LINGO2: variants seen among roughly 807,000 people sequenced by gnomAD.
LINGO2 encodes leucine-rich repeat and immunoglobulin-like domain-containing nogo receptor-interacting protein 2.
Under a neutral mutation model 30.6 loss-of-function variants are expected in LINGO2, and 14 were observed. The observed-to-expected ratio is 0.46, with a 90% confidence interval of 0.30 to 0.72. The LOEUF (loss-of-function observed/expected upper bound fraction) is 0.72. Among genes scored for constraint, LINGO2 ranks in the 30% least tolerant of loss-of-function variants. The probability of loss-of-function intolerance (pLI) is 0.07; values close to 1 mark genes in which losing one functional copy is unlikely to be tolerated. For synonymous variants in LINGO2, 317 were observed against 288.5 expected, an observed-to-expected ratio of 1.10 and a Z score of -1.00; for missense variants, 729 against 751.7, an observed-to-expected ratio of 0.97 and a Z score of 0.35.
chr9:28,475,333 T>C (rs1004751026), intron 2 of LINGO2, among the ~76,000 whole-genome samples: 1 of 152,178 alleles, frequency 6.6e-6, no homozygotes, highest in Non-Finnish European at 1.5e-5. Flanking sequence ...ATACTTTTTG[T>C]ATAAATACAA....
chr9:28,488,701 C>A (rs1826269563), intron 1 of LINGO2, among the ~76,000 whole-genome samples: 1 of 152,148 alleles, frequency 6.6e-6, no homozygotes, highest in East Asian at 1.9e-4. Flanking sequence ...TTTAATTTTG[C>A]AAATATTATT....
intron 1 of LINGO2, among the ~76,000 whole-genome samples, chr9:28,560,757 C>A (rs1823004748): frequency 6.6e-6 from 1 of 151,954 alleles, no homozygotes; most frequent in East Asian, 1.9e-4. Context: ...TCTTCCACCT[C>A]CCCAGCTCAA....
chr9:28,132,941 G>C (rs1042623401), intron 4 of LINGO2, among the ~76,000 whole-genome samples: 1 of 152,182 alleles, frequency 6.6e-6, no homozygotes, highest in South Asian at 2.1e-4. Flanking sequence ...TCATCAAAAG[G>C]TAATGTCCAT....
intron 4 of LINGO2, among the ~76,000 whole-genome samples, chr9:28,156,032 C>A (rs1196157354): frequency 2.0e-5 from 3 of 152,152 alleles, no homozygotes; most frequent in African/African-American, 7.2e-5. Context: ...CAAACCAAGA[C>A]AACTTGTTAC....
At chr9:28,667,942 T>C (rs1025144516) in intron 1 of LINGO2, among the ~76,000 whole-genome samples, 1 of 152,160 alleles carries the variant, frequency 6.6e-6, no homozygotes, top group Non-Finnish European at 1.5e-5. Flanking sequence ...TCATCTACAT[T>C]CCAAGTGCAT....
the LINGO2 span, among the ~76,000 whole-genome samples, chr9:28,848,056 TATATATGTATATAA>T: frequency 6.5e-4 from 4 of 6,122 alleles, no homozygotes; most frequent in African/African-American, 2.9e-3. Flanking sequence ...TATATATATA[TATATATGTATATAA>T]TATATATATA....
chr9:29,161,848 T>C, the LINGO2 span, among the ~76,000 whole-genome samples: 1 of 152,130 alleles, frequency 6.6e-6, no homozygotes, highest in Non-Finnish European at 1.5e-5. Flanking sequence ...ATTAGTGCTA[T>C]TGAAATGTTA....
chr9:28,970,845 C>A, the LINGO2 span, among the ~76,000 whole-genome samples: 2 of 152,276 alleles, frequency 1.3e-5, no homozygotes, highest in African/African-American at 4.8e-5. Context: ...TAGTGATGAA[C>A]TGGGCCCAGA....
the LINGO2 span, among the ~76,000 whole-genome samples, chr9:28,899,526 G>A: frequency 6.6e-6 from 1 of 152,170 alleles, no homozygotes; most frequent in Admixed American, 6.5e-5. Context: ...GCTTACACAA[G>A]CAACTTGCTA....
chr9:28,627,703 A>C (rs1826744981), intron 1 of LINGO2, among the ~76,000 whole-genome samples: 1 of 152,046 alleles, frequency 6.6e-6, no homozygotes, highest in Non-Finnish European at 1.5e-5. Context: ...ACAAACTGAG[A>C]GTTCTTAATT....
chr9:28,616,900 T>A (rs2135807077), intron 1 of LINGO2, among the ~76,000 whole-genome samples: 1 of 152,340 alleles, frequency 6.6e-6, no homozygotes, highest in South Asian at 2.1e-4. Flanking sequence ...AAAGACTCTT[T>A]CATCACAACT....
chr9:28,501,591 T>G (rs565092841), intron 1 of LINGO2, among the ~76,000 whole-genome samples: 1 of 152,254 alleles, frequency 6.6e-6, no homozygotes, highest in South Asian at 2.1e-4. Context: ...ATTTCCCTAG[T>G]AAAAGCCAGA....
chr9:28,410,122 G>A (rs1234198950), intron 2 of LINGO2, among the ~76,000 whole-genome samples: 1 of 150,396 alleles, frequency 6.6e-6, no homozygotes, highest in African/African-American at 2.4e-5. Context: ...AGGAGGAAAG[G>A]AGGAAGGGAA....
the LINGO2 span, among the ~76,000 whole-genome samples, chr9:28,990,536 A>C: frequency 2.6e-5 from 4 of 152,184 alleles, no homozygotes; most frequent in Admixed American, 2.0e-4. Context: ...AGACCTGAGA[A>C]CAGGCAGACT....
intron 4 of LINGO2, among the ~76,000 whole-genome samples, chr9:28,208,040 T>C (rs920549076): frequency 2.0e-5 from 3 of 152,124 alleles, no homozygotes; most frequent in African/African-American, 7.2e-5. Context: ...TCTTAGAGTA[T>C]AGCTGCTTTT....
chr9:29,195,403 G>A, the LINGO2 span, among the ~76,000 whole-genome samples: 77 of 151,852 alleles, frequency 5.1e-4, no homozygotes, highest in African/African-American at 1.7e-3. Context: ...TGTAATAAAT[G>A]CCTGAGAATC....
the LINGO2 span, among the ~76,000 whole-genome samples, chr9:29,063,486 T>C: frequency 8.6e-5 from 13 of 151,644 alleles, no homozygotes; most frequent in South Asian, 2.7e-3. Flanking sequence ...TACTGCAACC[T>C]CTGCCTCCCA....
the LINGO2 span, among the ~76,000 whole-genome samples, chr9:28,821,468 C>G: frequency 1.3e-5 from 2 of 152,198 alleles, no homozygotes; most frequent in Non-Finnish European, 2.9e-5. Flanking sequence ...GGAATTTATT[C>G]ATACAGATCA....
intron 1 of LINGO2, among the ~76,000 whole-genome samples, chr9:28,629,645 G>C (rs1826843422): frequency 6.6e-6 from 1 of 151,950 alleles, no homozygotes; most frequent in African/African-American, 2.4e-5. Context: ...CAGCTTGCTG[G>C]GTTAGAATAC....
Sources: gnomAD v4.1 joint callset for allele counts (sites outside exome capture counted in the v4.1 genomes callset) on GRCh38, gnomAD v4.1.1 for gene constraint, MANE v1.5 for transcripts, NCBI Gene and HGNC (gene_info 2026-07-23, HGNC 2026-07-21) for gene names.